Variants in PHF14 observed in about 807,000 individuals in gnomAD.
PHF14 encodes PHD finger protein 14.
In PHF14, 55 loss-of-function variants were observed where a neutral mutation model predicts 117.9. That is an observed-to-expected ratio of 0.47 (90% confidence interval 0.38 to 0.58). PHF14 has a LOEUF of 0.58. Among genes scored for constraint, PHF14 ranks in the 20% least tolerant of loss-of-function variants. The probability of loss-of-function intolerance (pLI) is 0.00; values close to 1 mark genes in which losing one functional copy is unlikely to be tolerated. For synonymous variants in PHF14, 409 were observed against 368.6 expected (o/e 1.11, Z -1.26); for missense variants, 978 against 1,122.2 (o/e 0.87, Z 1.84).
At chr7:11,041,063 A>G (rs1039894911) in intron 12 of PHF14, among the ~76,000 whole-genome samples, 1 of 151,664 alleles carries the variant, frequency 6.6e-6, no homozygotes, top group African/African-American at 2.4e-5. Flanking sequence ...TAAACAATAT[A>G]AAAGATGAGC....
intron 4 of PHF14, among the ~76,000 whole-genome samples, chr7:11,008,845 C>T (rs1382596501): frequency 2.0e-5 from 3 of 151,924 alleles, no homozygotes; most frequent in Non-Finnish European, 2.9e-5. Context: ...ACCATCCTGA[C>T]TAACATGGTG....
intron 16 of PHF14, among the ~76,000 whole-genome samples, chr7:11,082,668 A>G (rs1471320791): frequency 6.6e-6 from 1 of 152,136 alleles, no homozygotes; most frequent in African/African-American, 2.4e-5. Flanking sequence ...GGATAACTAA[A>G]CATACTCAGT....
chr7:11,017,371 G>A (rs527476340), intron 5 of PHF14, among the ~76,000 whole-genome samples: 1 of 152,086 alleles, frequency 6.6e-6, no homozygotes, highest in Non-Finnish European at 1.5e-5. Flanking sequence ...GTGTACAAGG[G>A]TTCCCTTTTC....
chr7:11,036,557 G>A lies in PHF14; in HGVS notation c.1742G>A (p.Arg581Gln). The change falls in exon 9 of 18, where the codon CGG becomes CAG. Residue 581 changes from arginine to glutamine, a missense_variant. By Grantham distance (43) the Arg-to-Gln change is conservative. Around this residue, in one of 7 missense-constraint regions of PHF14, gnomAD observed 237 missense variants for 276.4 expected, o/e 0.86. Transcript: ENST00000634607. ...GCTTCAGCTATTCGTAAACTTATGC[G>A]GAAAGCAGAACTCATGGGGATCAGT... ...SSASAIRKLMRKAELMGISTD... is the reference protein window; with the variant it reads ...SSASAIRKLMQKAELMGISTD... The A allele has an allele frequency of 1.2e-6, 2 of 1,613,910 alleles. No homozygotes were observed. Among genetic ancestry groups the A allele is most frequent in the African/African-American group, 1.3e-5 (1 of 75,018 alleles).
intron 4 of PHF14, among the ~76,000 whole-genome samples, chr7:11,009,731 A>G (rs990125136): frequency 5.9e-5 from 9 of 152,250 alleles, no homozygotes; most frequent in East Asian, 1.9e-4. Flanking sequence ...AAAGAACTCT[A>G]TAAAGGTAAT....
intron 17 of PHF14, among the ~76,000 whole-genome samples, chr7:11,153,180 A>G (rs1202734935): frequency 1.3e-5 from 2 of 152,236 alleles, no homozygotes; most frequent in South Asian, 2.1e-4. Context: ...AAGCTATTGG[A>G]TTAATCCACA....
intron 14 of PHF14, among the ~76,000 whole-genome samples, chr7:11,055,795 A>C (rs114863698): frequency 0.013 from 2,002 of 152,266 alleles, 43 homozygotes; most frequent in African/African-American, 0.046. Context: ...GTTTAAGCTT[A>C]AGTCTTGAGA....
intron 17 of PHF14, among the ~76,000 whole-genome samples, chr7:11,149,538 A>G (rs1210221130): frequency 1.3e-5 from 2 of 152,176 alleles, no homozygotes; most frequent in Admixed American, 6.5e-5. Flanking sequence ...TTGACAATCT[A>G]TTGCAACTTG....
intron 17 of PHF14, among the ~76,000 whole-genome samples, chr7:11,159,367 A>G (rs115652333): frequency 0.018 from 2,800 of 152,188 alleles, 84 homozygotes; most frequent in African/African-American, 0.064. Context: ...CTAGAACATC[A>G]AGACTCAGCA....
At chr7:11,083,278 C>T (rs988007307) in intron 16 of PHF14, among the ~76,000 whole-genome samples, 4 of 152,006 alleles carry the variant, frequency 2.6e-5, no homozygotes, top group African/African-American at 9.7e-5. Flanking sequence ...GTTTGTTTTC[C>T]TTAAGACTCC....
Position 10,983,166 on chromosome 7 carries a change from C to G in PHF14, c.900+7C>G, listed in dbSNP as rs765042875. 1.3e-6 allele frequency: 2 copies of G among 1,579,790 alleles called. No individual in the cohort carries two copies. The highest frequency in any genetic ancestry group is 1.7e-6 in the Non-Finnish European group (2 of 1,169,546). ...TCAAAGCAAGAGTAATGAGGTAGAT[C>G]AACCCAATTTTTATATCTGTCTGTC... On this transcript the variant is annotated splice_region_variant and intron_variant, in intron 3 of 17. Coordinates refer to ENST00000634607, the MANE Select transcript of PHF14 (RefSeq NM_001007157.2).
At chr7:11,120,131 A>C (rs73681609) in intron 17 of PHF14, among the ~76,000 whole-genome samples, 2,160 of 151,980 alleles carry the variant, frequency 0.014, 48 homozygotes, top group African/African-American at 0.05. Context: ...GAGTAATTTA[A>C]ATTATATAGA....
At chr7:10,977,909 T>G (rs1781921625) in intron 2 of PHF14, among the ~76,000 whole-genome samples, 1 of 152,206 alleles carries the variant, frequency 6.6e-6, no homozygotes. Flanking sequence ...GAGACTTATT[T>G]ACATTTGGTT....
chr7:11,128,606 T>G (rs1257631155), intron 17 of PHF14, among the ~76,000 whole-genome samples: 1 of 151,902 alleles, frequency 6.6e-6, no homozygotes, highest in Non-Finnish European at 1.5e-5. Flanking sequence ...TATACTATAG[T>G]ATAGACATCA....
intron 14 of PHF14, among the ~76,000 whole-genome samples, chr7:11,057,102 A>G (rs76849442): frequency 0.013 from 2,049 of 152,162 alleles, 36 homozygotes; most frequent in African/African-American, 0.047. Flanking sequence ...TATGTCAACA[A>G]AAACACAAGT....
intron 16 of PHF14, chr7:11,102,434 C>T: frequency 6.3e-7 from 1 of 1,587,536 alleles, no homozygotes; most frequent in Non-Finnish European, 8.6e-7. Flanking sequence ...TAGTGCAGAG[C>T]TGCTATGATC....
intron 5 of PHF14, among the ~76,000 whole-genome samples, chr7:11,021,886 AC>A (rs1783748285): frequency 6.6e-6 from 1 of 152,140 alleles, no homozygotes; most frequent in South Asian, 2.1e-4. Flanking sequence ...CTCATAATGC[AC>A]CACAAAAACC....
chr7:11,011,901 T>C (rs1327991962), intron 4 of PHF14, among the ~76,000 whole-genome samples: 1 of 152,238 alleles, frequency 6.6e-6, no homozygotes, highest in Non-Finnish European at 1.5e-5. Context: ...CATGGTTTTT[T>C]ATAGTCTGAA....
chr7:11,102,420 G>C, intron 16 of PHF14: 1 of 1,557,184 alleles, frequency 6.4e-7, no homozygotes, highest in Non-Finnish European at 8.8e-7. Context: ...TGTTTCATAA[G>C]ACATAGTGCA....
Sources: gnomAD v4.1 joint callset for allele counts (sites outside exome capture counted in the v4.1 genomes callset) on GRCh38, gnomAD v4.1.1 for gene constraint, gnomAD v4.1.1 regional missense constraint, MANE v1.5 for transcripts, NCBI Gene and HGNC (gene_info 2026-07-23, HGNC 2026-07-21) for gene names.